Variants in FHIP1A observed in about 807,000 individuals in gnomAD.
The protein encoded by FHIP1A is FHF complex subunit HOOK interacting protein 1A, also known as FHF complex subunit HOOK-interacting protein 1A.
Under a neutral mutation model 88.6 loss-of-function variants are expected in FHIP1A, and 61 were observed. The ratio of observed to expected loss-of-function variants is 0.69; its 90% confidence interval spans 0.56 to 0.85. The LOEUF (loss-of-function observed/expected upper bound fraction) is 0.85, where lower values mean the gene tolerates loss of function less well. FHIP1A is among the 40% of genes least tolerant of loss of function. The pLI is 0.00. For synonymous variants in FHIP1A, 478 were observed against 496.0 expected, an observed-to-expected ratio of 0.96 and a Z score of 0.48; for missense variants, 1,154 against 1,273.5, an observed-to-expected ratio of 0.91 and a Z score of 1.43.
rs1728628567 is a variant in FHIP1A at position 151,446,861 on chromosome 4, C to A, written c.-355-7840C>A. ...AGATAGCTGTTTTGGAGGTATCAGTCCACAGGCTGGCCAGCACTTGAGGAG... is the reference window on the plus strand; with the variant it reads ...AGATAGCTGTTTTGGAGGTATCAGTACACAGGCTGGCCAGCACTTGAGGAG... On this transcript the variant is annotated intron_variant, in intron 1 of 13. Transcript: ENST00000435205. 3.3e-5 allele frequency among the ~76,000 whole-genome samples: 5 copies of A among 152,138 alleles called. No individual in the cohort carries two copies. The South Asian group carries it at 1.0e-3, about 32-fold the overall frequency.
intron 8 of FHIP1A, among the ~76,000 whole-genome samples, chr4:151,638,350 T>TGTGTGTGTGTGTGA (rs1553961911): frequency 6.7e-6 from 1 of 150,086 alleles, no homozygotes; most frequent in South Asian, 2.1e-4. Flanking sequence ...TGTGTGTATG[T>TGTGTGTGTGTGTGA]GAGAGAGAGA....
At chr4:151,529,187 T>C (rs1425582231) in intron 3 of FHIP1A, among the ~76,000 whole-genome samples, 1 of 152,132 alleles carries the variant, frequency 6.6e-6, no homozygotes, top group African/African-American at 2.4e-5. Context: ...TACCCTCCTG[T>C]GACCTCAGGT....
In FHIP1A at chr4:151,663,846, A is replaced by G. The variant is rs1395409401; in HGVS notation, c.*1092A>G. Among the ~76,000 whole-genome samples the G allele has an allele frequency of 6.6e-6, 1 of 152,190 alleles. No individual in the cohort carries two copies. Among genetic ancestry groups the G allele is most frequent in the Non-Finnish European group, 1.5e-5 (1 of 68,030 alleles). ...GGTCACCTGGAGCCCTGCAAAGCCA[A>G]GTGCCTGCTGGCGACTCACTCTGCA... On this transcript the variant is annotated 3_prime_UTR_variant, in exon 14 of 14. Coordinates refer to ENST00000435205, the MANE Select transcript of FHIP1A (RefSeq NM_001109977.3).
intron 6 of FHIP1A, 68 bp downstream of exon 6, chr4:151,586,867 A>T: frequency 8.5e-7 from 1 of 1,181,682 alleles, no homozygotes; most frequent in Non-Finnish European, 1.1e-6. Flanking sequence ...GCAAAGGATT[A>T]ATTTTAAAAC....
intron 7 of FHIP1A, among the ~76,000 whole-genome samples, chr4:151,626,521 C>A (rs1735956711): frequency 6.6e-6 from 1 of 152,144 alleles, no homozygotes; most frequent in Admixed American, 6.5e-5. Flanking sequence ...GGGATAATTA[C>A]TCATTTGTGG....
At chr4:151,565,584 A>G (rs1468319831) in intron 3 of FHIP1A, among the ~76,000 whole-genome samples, 1 of 152,100 alleles carries the variant, frequency 6.6e-6, no homozygotes, top group Non-Finnish European at 1.5e-5. Flanking sequence ...TTAAAAAAAT[A>G]TTCAATCAAA....
At chr4:151,475,766 A>G (rs1729675755) in intron 2 of FHIP1A, among the ~76,000 whole-genome samples, 1 of 152,208 alleles carries the variant, frequency 6.6e-6, no homozygotes, top group South Asian at 2.1e-4. Flanking sequence ...TATTTCGGGA[A>G]TGCAAGAAGG....
At chr4:151,591,093 C>CTTTTTTTT (rs552966792) in intron 7 of FHIP1A, among the ~76,000 whole-genome samples, 1 of 140,842 alleles carries the variant, frequency 7.1e-6, no homozygotes, top group Non-Finnish European at 1.6e-5. Context: ...TGTTGGTTTG[C>CTTTTTTTT]TTTTTTTTTT....
intron 3 of FHIP1A, among the ~76,000 whole-genome samples, chr4:151,547,132 G>C (rs1191833336): frequency 1.3e-5 from 2 of 152,294 alleles, no homozygotes; most frequent in African/African-American, 2.4e-5. Flanking sequence ...TTGATTTGCT[G>C]TATCTTGTCC....
intron 3 of FHIP1A, among the ~76,000 whole-genome samples, chr4:151,547,807 G>A (rs964236518): frequency 9.2e-5 from 14 of 152,076 alleles, no homozygotes; most frequent in African/African-American, 3.1e-4. Flanking sequence ...CCAGCTACTC[G>A]GGAAGCTGAG....
At chr4:151,570,501 G>A (rs1283863693) in intron 4 of FHIP1A, among the ~76,000 whole-genome samples, 3 of 152,048 alleles carry the variant, frequency 2.0e-5, no homozygotes, top group Non-Finnish European at 4.4e-5. Flanking sequence ...GAGCGCAGTG[G>A]CTATTCACAG....
intron 11 of FHIP1A, among the ~76,000 whole-genome samples, chr4:151,653,520 TAATA>T (rs772688497): frequency 2.0e-5 from 3 of 152,152 alleles, no homozygotes; most frequent in Non-Finnish European, 4.4e-5. Flanking sequence ...TGGGGATAAA[TAATA>T]AATATACTTC....
intron 2 of FHIP1A, among the ~76,000 whole-genome samples, chr4:151,468,111 C>T (rs958376165): frequency 3.3e-5 from 5 of 151,410 alleles, no homozygotes; most frequent in African/African-American, 4.8e-5. Flanking sequence ...AGTGAAACCC[C>T]GTCTCTACTA....
Position 151,656,319 on chromosome 4 carries a change from C to G in FHIP1A, c.2639C>G (p.Thr880Ser). ...HVNLLLIGII[T>S]QLASYPQPLL... ...AATTTGCTGCTTATCGGGATCATTA[C>G]TCAGCTAGCCAGCTACCCCCAGCCA... is the stretch of plus-strand genomic sequence containing the variant. Residue 880 changes from threonine to serine, a missense_variant, in exon 12 of 14, where the codon ACT (threonine) becomes AGT (serine). By Grantham distance (58) the Thr-to-Ser change is moderately conservative. Transcript: ENST00000435205. The surrounding 1 kb of genome is among the most constrained non-coding windows in gnomAD (Gnocchi z 4.2). The G allele has an allele frequency of 6.4e-7, 1 of 1,551,646 alleles. No homozygotes were observed. The highest frequency in any genetic ancestry group is 2.4e-5 in the East Asian group (1 of 40,926).
At chr4:151,569,400 A>G (rs1028604392) in intron 4 of FHIP1A, among the ~76,000 whole-genome samples, 2 of 152,050 alleles carry the variant, frequency 1.3e-5, no homozygotes, top group African/African-American at 4.8e-5. Context: ...AAAAATACAA[A>G]AATTAGCCAG....
chr4:151,644,873 A>G (rs532359805), intron 9 of FHIP1A, among the ~76,000 whole-genome samples: 2 of 152,218 alleles, frequency 1.3e-5, no homozygotes, highest in Non-Finnish European at 1.5e-5. Context: ...GGGTCCAGCT[A>G]TGCTTTGTTC....
intron 3 of FHIP1A, among the ~76,000 whole-genome samples, chr4:151,535,669 G>A (rs142304449): frequency 7.9e-5 from 12 of 152,304 alleles, no homozygotes; most frequent in African/African-American, 2.9e-4. Context: ...ACAGTTTAAT[G>A]AAACATTGGG....
chr4:151,597,255 TTG>T, intron 7 of FHIP1A, among the ~76,000 whole-genome samples: 1 of 152,170 alleles, frequency 6.6e-6, no homozygotes, highest in Non-Finnish European at 1.5e-5. Context: ...TCCTTTCTGT[TTG>T]TTAGTTTTCC....
intron 3 of FHIP1A, among the ~76,000 whole-genome samples, chr4:151,555,679 A>G (rs1732919910): frequency 6.6e-6 from 1 of 152,142 alleles, no homozygotes. Flanking sequence ...TTTGGAACAA[A>G]TCTAAGAATT....
Sources: allele counts gnomAD v4.1 joint callset (sites outside exome capture counted in the v4.1 genomes callset), GRCh38; gene constraint gnomAD v4.1.1; non-coding constraint Gnocchi (gnomAD v3.1); transcripts MANE v1.5; gene names NCBI Gene and HGNC (gene_info 2026-07-23, HGNC 2026-07-21).